The following THEMIS variants were observed in gnomAD, a reference collection of about 807,000 sequenced individuals.
THEMIS encodes the protein protein THEMIS.
A neutral mutation model predicts 52.6 loss-of-function variants in THEMIS; 37 were observed. The observed-to-expected ratio is 0.70, with a 90% CI of 0.54 to 0.93. The LOEUF (loss-of-function observed/expected upper bound fraction) is 0.93. THEMIS is among the 40% of genes least tolerant of loss of function. The pLI, the probability that THEMIS is intolerant of heterozygous loss-of-function variation, is 0.00. For synonymous variants in THEMIS, 292 were observed against 272.7 expected, an observed-to-expected ratio of 1.07 and a Z score of -0.70; for missense variants, 808 against 763.1, an observed-to-expected ratio of 1.06 and a Z score of -0.69.
At chr6:127,705,015 T>C (rs1484240424), downstream of THEMIS, among the ~76,000 whole-genome samples, 1 of 152,130 alleles carries the variant, frequency 6.6e-6, no homozygotes, top group East Asian at 1.9e-4. Context: ...GTTGCATGCA[T>C]CTGGTTGTCC....
chr6:127,810,098 G>C (rs1412769661), intron 4 of THEMIS, among the ~76,000 whole-genome samples: 2 of 151,948 alleles, frequency 1.3e-5, no homozygotes, highest in African/African-American at 4.8e-5. Context: ...CTTCAGTTTA[G>C]TAGTCTAGGC....
chr6:127,887,923 A>G (rs1476901832), intron 1 of THEMIS, among the ~76,000 whole-genome samples: 1 of 152,144 alleles, frequency 6.6e-6, no homozygotes, highest in Non-Finnish European at 1.5e-5. Flanking sequence ...CTTATACGTA[A>G]GAAAGAGCTA....
rs751127313 is a variant in THEMIS at position 127,813,811 on chromosome 6, G to A, written c.830C>T (p.Thr277Ile). Residue 277 changes from threonine (T) to isoleucine (I), a missense_variant, in exon 4 of 6, where the codon ACT (threonine) becomes ATT (isoleucine). Coordinates refer to ENST00000368248, the MANE Select transcript of THEMIS (RefSeq NM_001010923.3). ...AGTCACTATGGGGAACTCTTTACTA[G>A]TCATTTCAAAAAGATCTTCTGTTGA... ...LLSTEDLFEM[T>I]SKEFPIVTEV... The A allele has an allele frequency of 6.2e-7, 1 of 1,613,812 alleles. No homozygotes were observed. Among genetic ancestry groups the A allele is most frequent in the Admixed American group, 1.7e-5 (1 of 59,950 alleles).
At chr6:127,741,677 C>T (rs1263557504) in intron 4 of THEMIS, among the ~76,000 whole-genome samples, 2 of 152,198 alleles carry the variant, frequency 1.3e-5, no homozygotes, top group African/African-American at 4.8e-5. Context: ...AAATCCTTTG[C>T]TGCATCAGCT....
intron 1 of THEMIS, among the ~76,000 whole-genome samples, chr6:127,898,248 T>G (rs1216651614): frequency 1.3e-5 from 2 of 151,580 alleles, no homozygotes; most frequent in South Asian, 2.1e-4. Context: ...TTAATTGAAG[T>G]AAAACATAGT....
intron 3 of THEMIS, among the ~76,000 whole-genome samples, chr6:127,822,464 A>T (rs1425795205): frequency 6.6e-6 from 1 of 152,132 alleles, no homozygotes. Context: ...AGAAAAAATA[A>T]TCATAATCCT....
At chr6:127,697,151 A>C in the THEMIS span, among the ~76,000 whole-genome samples, 3 of 152,298 alleles carry the variant, frequency 2.0e-5, no homozygotes, top group African/African-American at 7.2e-5. Context: ...GCCTCTGAGA[A>C]TAATTCCCAA....
At chr6:127,791,474 G>T (rs2114524254) in intron 4 of THEMIS, among the ~76,000 whole-genome samples, 1 of 152,302 alleles carries the variant, frequency 6.6e-6, no homozygotes, top group African/African-American at 2.4e-5. Flanking sequence ...CTTAAGAGGG[G>T]AGAAAGTAGG....
intron 4 of THEMIS, among the ~76,000 whole-genome samples, chr6:127,777,385 T>C (rs879939247): frequency 2.0e-5 from 3 of 152,302 alleles, no homozygotes; most frequent in Admixed American, 2.0e-4. Flanking sequence ...AATAATATTA[T>C]GCCACTTTGA....
chr6:127,847,343 T>C (rs1035113386), intron 2 of THEMIS, among the ~76,000 whole-genome samples: 1 of 152,022 alleles, frequency 6.6e-6, no homozygotes, highest in Non-Finnish European at 1.5e-5. Context: ...GAAGTCAAAC[T>C]GTTGATATTT....
intron 5 of THEMIS, among the ~76,000 whole-genome samples, chr6:127,711,403 A>T (rs969302751): frequency 3.9e-5 from 6 of 152,030 alleles, no homozygotes; most frequent in African/African-American, 1.4e-4. Flanking sequence ...AGGAGAAAGA[A>T]GAGCGATTTC....
intron 4 of THEMIS, among the ~76,000 whole-genome samples, chr6:127,741,754 C>T (rs9482836): frequency 0.041 from 6,201 of 152,168 alleles, 432 homozygotes; most frequent in African/African-American, 0.14. Flanking sequence ...TACTGGCTGG[C>T]CAAAATAATG....
chr6:127,895,494 A>G (rs903837194), intron 1 of THEMIS, among the ~76,000 whole-genome samples: 7 of 151,590 alleles, frequency 4.6e-5, no homozygotes, highest in Non-Finnish European at 1.0e-4. Context: ...GAGACAATCA[A>G]TGGGAAAACA....
the THEMIS span, among the ~76,000 whole-genome samples, chr6:127,699,340 C>T: frequency 0.35 from 53,313 of 150,938 alleles, 11,447 homozygotes; most frequent in Non-Finnish European, 0.5. Flanking sequence ...AAGTGTAGGC[C>T]GCTCTTCTTC....
chr6:127,848,411 AT>A (rs1315984841), intron 2 of THEMIS, among the ~76,000 whole-genome samples: 1 of 152,052 alleles, frequency 6.6e-6, no homozygotes, highest in African/African-American at 2.4e-5. Flanking sequence ...TTATAGCAGC[AT>A]GATTTATAAT....
intron 1 of THEMIS, among the ~76,000 whole-genome samples, chr6:127,894,968 C>T (rs1309315775): frequency 3.5e-4 from 52 of 147,686 alleles, no homozygotes; most frequent in Non-Finnish European, 2.4e-4. Flanking sequence ...TTTGAAAATA[C>T]ATATATTTAT....
At chr6:127,779,484 T>C (rs1776674180) in intron 4 of THEMIS, among the ~76,000 whole-genome samples, 1 of 152,198 alleles carries the variant, frequency 6.6e-6, no homozygotes, top group African/African-American at 2.4e-5. Context: ...AGTTAATCAT[T>C]ACTCATTACT....
At chr6:127,785,978 A>C (rs972344355) in intron 4 of THEMIS, among the ~76,000 whole-genome samples, 15 of 152,052 alleles carry the variant, frequency 9.9e-5, no homozygotes, top group Non-Finnish European at 1.6e-4. Flanking sequence ...ATCTTCTCAT[A>C]TGTACTCCCT....
At chr6:127,725,506 CATAA>C (rs758490398) in intron 4 of THEMIS, among the ~76,000 whole-genome samples, 69 of 151,680 alleles carry the variant, frequency 4.5e-4, no homozygotes, top group African/African-American at 1.3e-3. Context: ...GTTGAATCAC[CATAA>C]ATAATTTAGA....
Sources: gnomAD v4.1 joint callset for allele counts (sites outside exome capture counted in the v4.1 genomes callset) on GRCh38, gnomAD v4.1.1 for gene constraint, MANE v1.5 for transcripts, NCBI Gene and HGNC (gene_info 2026-07-23, HGNC 2026-07-21) for gene names.